CPA6: variants seen among roughly 807,000 people sequenced by gnomAD.
CPA6 encodes the protein carboxypeptidase A6, also known as carboxypeptidase B.
Under a neutral mutation model 63.3 loss-of-function variants are expected in CPA6, and 58 were observed. That is an observed-to-expected ratio of 0.92 (90% CI 0.74 to 1.14). The LOEUF is 1.14. Ranked by LOEUF, CPA6 falls within the 50% of genes most tolerant of loss-of-function variation. The pLI is 0.00. For synonymous variants in CPA6, 185 were observed against 179.0 expected (o/e 1.03, Z -0.27); for missense variants, 565 against 526.6 (o/e 1.07, Z -0.71).
rs181616134 is a variant in CPA6, at chr8:67,488,958, C to A, written c.637-4169G>T. Among the ~76,000 whole-genome samples the A allele has an allele frequency of 4.0e-3, 605 of 152,218 alleles. 12 individuals are homozygous for A. Among genetic ancestry groups the A allele is most frequent in the Admixed American group, 0.036 (551 of 15,290 alleles). ...AGCTTAAGGAGATTTTGGGCTGAGA[C>A]GATGGGGTTTTCTAAATATACAATC... On this transcript the variant is annotated intron_variant, in intron 6 of 10. Coordinates refer to ENST00000297770, the MANE Select transcript of CPA6 (RefSeq NM_020361.5).
At chr8:67,627,563 C>T (rs1274373400) in intron 1 of CPA6, among the ~76,000 whole-genome samples, 1 of 152,186 alleles carries the variant, frequency 6.6e-6, no homozygotes. Flanking sequence ...AGAAAGACTA[C>T]TGGGCAAACA....
At chr8:67,624,287 T>G in intron 1 of CPA6, 36 bp from the exon 2 acceptor site, 1 of 1,211,042 alleles carries the variant, frequency 8.3e-7, no homozygotes, top group Non-Finnish European at 1.2e-6. Context: ...TAATTACTTT[T>G]CGAAAATAAA....
chr8:67,641,242 T>C (rs1815586010), intron 1 of CPA6, among the ~76,000 whole-genome samples: 1 of 151,836 alleles, frequency 6.6e-6, no homozygotes, highest in Non-Finnish European at 1.5e-5. Context: ...AGTAAAACAT[T>C]GTTTGAAAAA....
chr8:67,450,691 T>G (rs1264192511), intron 8 of CPA6, among the ~76,000 whole-genome samples: 1 of 152,166 alleles, frequency 6.6e-6, no homozygotes, highest in Non-Finnish European at 1.5e-5. Flanking sequence ...AATCTTGCCT[T>G]GTATCTATTG....
chr8:67,476,935 A>G (rs1811253035), intron 8 of CPA6, among the ~76,000 whole-genome samples: 1 of 152,198 alleles, frequency 6.6e-6, no homozygotes, highest in Non-Finnish European at 1.5e-5. Flanking sequence ...AATGGTGAGC[A>G]AATCCTTATG....
chr8:67,587,587 G>A (rs896310873), intron 2 of CPA6, among the ~76,000 whole-genome samples: 6 of 152,134 alleles, frequency 3.9e-5, no homozygotes, highest in Non-Finnish European at 8.8e-5. Flanking sequence ...TATATGGTTA[G>A]TGTGTTGGTC....
At chr8:67,529,053 A>T (rs755828792) in intron 2 of CPA6, among the ~76,000 whole-genome samples, 35 of 151,828 alleles carry the variant, frequency 2.3e-4, no homozygotes, top group South Asian at 8.3e-4. Flanking sequence ...TTGACCCTAC[A>T]AGAGCATGCT....
chr8:67,570,254 C>CT (rs1813454093), intron 2 of CPA6, among the ~76,000 whole-genome samples: 2 of 151,990 alleles, frequency 1.3e-5, no homozygotes. Context: ...TAAAACTTCC[C>CT]CAGACAAATA....
intron 2 of CPA6, among the ~76,000 whole-genome samples, chr8:67,551,179 C>G (rs902339752): frequency 6.6e-6 from 1 of 152,124 alleles, no homozygotes; most frequent in African/African-American, 2.4e-5. Context: ...ACATTGAAAT[C>G]TTTAATCCAT....
intron 1 of CPA6, among the ~76,000 whole-genome samples, chr8:67,651,823 T>C (rs1210536875): frequency 6.6e-6 from 1 of 152,084 alleles, no homozygotes; most frequent in Non-Finnish European, 1.5e-5. Flanking sequence ...ACATGCGCCA[T>C]GTTGGTGTGC....
At position 67,477,184 on chromosome 8, in the gene CPA6, G is replaced by A. The variant is rs185432225; in HGVS notation, c.838+6584C>T. Among the ~76,000 whole-genome samples, 381 of 151,068 alleles carry A rather than the reference G, an allele frequency of 2.5e-3. 2 individuals carry two copies. The highest frequency in any genetic ancestry group is 8.7e-3 in the African/African-American group (359 of 41,060). On this transcript the variant is annotated intron_variant, in intron 8 of 10. Transcript: ENST00000297770. The stretch of plus-strand genomic sequence containing the variant: ...CGGGCACCTGTAGTCCCAGCTACTT[G>A]GGAGGCTGAGGCAGGAGAATGGCTG...
chr8:67,453,954 C>T (rs1353984268), intron 8 of CPA6, among the ~76,000 whole-genome samples: 3 of 152,202 alleles, frequency 2.0e-5, no homozygotes, highest in Non-Finnish European at 4.4e-5. Context: ...CTGAGAAGCA[C>T]ATTAGACACT....
Position 67,472,372 on chromosome 8 carries a change from A to T in CPA6, c.838+11396T>A, listed in dbSNP as rs111648434. ...AAACTAAGTTATTTGTAAAAGATTT[A>T]TTTTTTTATTTTATTTTATTTTATT... On this transcript the variant is annotated intron_variant, in intron 8 of 10. Coordinates refer to ENST00000297770, the MANE Select transcript of CPA6 (RefSeq NM_020361.5). Among the ~76,000 whole-genome samples the T allele has an allele frequency of 7.1e-4, 36 of 51,010 alleles. 1 individual carries two copies. Among genetic ancestry groups the T allele is most frequent in the African/African-American group, 5.4e-3 (34 of 6,334 alleles). 33.5% of individuals were successfully genotyped at this position (51,010 alleles called of 152,430 possible).
rs1587407241 is a variant in CPA6 at position 67,422,647 on chromosome 8, T to C, written c.1171A>G (p.Ile391Val). The C allele has an allele frequency of 1.9e-6, 3 of 1,614,094 alleles. No homozygotes were observed. The highest frequency in any genetic ancestry group is 1.7e-6 in the Non-Finnish European group (2 of 1,179,988). The change falls in exon 11 of 11, where the codon ATA becomes GTA. Residue 391 changes from isoleucine to valine, a missense_variant. Coordinates refer to ENST00000297770, the MANE Select transcript of CPA6 (RefSeq NM_020361.5). ...SSMDWAYKNG[I>V]PYAFAFELRD... is the part of the protein sequence containing the mutation. ...AGTTCGAAAGCAAATGCATAAGGTA[T>C]TCCATTTTTGTAGGCCCAATCCATT...
intron 1 of CPA6, among the ~76,000 whole-genome samples, chr8:67,717,496 A>G (rs1817405455): frequency 6.6e-6 from 1 of 152,184 alleles, no homozygotes; most frequent in South Asian, 2.1e-4. Flanking sequence ...AAAATCCCCC[A>G]CTAAGCACTC....
intron 1 of CPA6, among the ~76,000 whole-genome samples, chr8:67,654,411 C>CA (rs970308351): frequency 4.2e-4 from 64 of 152,252 alleles, no homozygotes; most frequent in African/African-American, 1.4e-3. Flanking sequence ...ATTATTGCCA[C>CA]AATTTCAGAG....
chr8:67,430,847 C>A (rs1285498360), intron 9 of CPA6, among the ~76,000 whole-genome samples: 1 of 152,018 alleles, frequency 6.6e-6, no homozygotes, highest in Admixed American at 6.6e-5. Flanking sequence ...CATGGGGAAG[C>A]AAATTCATCT....
At chr8:67,542,188 T>TA (rs1812722522) in intron 2 of CPA6, among the ~76,000 whole-genome samples, 1 of 152,246 alleles carries the variant, frequency 6.6e-6, no homozygotes, top group South Asian at 2.1e-4. Context: ...ACAAGTCCAC[T>TA]AGGCAGCTCT....
intron 1 of CPA6, among the ~76,000 whole-genome samples, chr8:67,652,641 C>T (rs1305340210): frequency 2.0e-3 from 295 of 149,120 alleles, no homozygotes; most frequent in African/African-American, 7.0e-3. Context: ...GGATATTAGC[C>T]CTTTGTCAGA....
Sources: allele counts gnomAD v4.1 joint callset (sites outside exome capture counted in the v4.1 genomes callset), GRCh38; gene constraint gnomAD v4.1.1; transcripts MANE v1.5; gene names NCBI Gene and HGNC (gene_info 2026-07-23, HGNC 2026-07-21).